The following NXPE2 variants were observed in gnomAD, a reference collection of about 807,000 sequenced individuals.
NXPE2 encodes the protein neurexophilin and PC-esterase domain family member 2, also known as NXPE family member 2.
In NXPE2, 34 loss-of-function variants were observed where a neutral mutation model predicts 34.4. The observed-to-expected ratio is 0.99, with a 90% CI of 0.75 to 1.31. NXPE2 has a LOEUF of 1.31. Among genes scored for constraint, NXPE2 ranks in the 40% most tolerant of loss-of-function variants. The pLI is 0.00. For synonymous variants in NXPE2, 235 were observed against 231.3 expected (o/e 1.02, Z -0.15); for missense variants, 649 against 672.5 (o/e 0.97, Z 0.39).
the NXPE2 span, among the ~76,000 whole-genome samples, chr11:114,577,425 A>G: frequency 6.6e-6 from 1 of 152,036 alleles, no homozygotes; most frequent in Non-Finnish European, 1.5e-5. Context: ...GCGAGGGATA[A>G]AAGACTATAC....
chr11:114,580,433 G>T, the NXPE2 span: 1 of 988,220 alleles, frequency 1.0e-6, no homozygotes, highest in South Asian at 1.4e-5. Flanking sequence ...TCCTAAGAGG[G>T]GGTAAGGTGG....
At chr11:114,638,524 C>G in the NXPE2 span, among the ~76,000 whole-genome samples, 78,744 of 151,828 alleles carry the variant, frequency 0.52, 21,435 homozygotes, top group African/African-American at 0.65. Context: ...GTGTTCCTTT[C>G]GAGGAGGAGA....
chr11:114,648,925 TATG>T, the NXPE2 span, among the ~76,000 whole-genome samples: 12 of 143,948 alleles, frequency 8.3e-5, no homozygotes, highest in African/African-American at 2.3e-4. Flanking sequence ...TCTTATGTTA[TATG>T]ATAAGGGGAT....
At chr11:114,655,271 G>A in the NXPE2 span, among the ~76,000 whole-genome samples, 76,133 of 151,998 alleles carry the variant, frequency 0.5, 20,209 homozygotes, top group East Asian at 0.79. Flanking sequence ...CCATTCTGTA[G>A]GTTGCTTGTT....
the NXPE2 span, among the ~76,000 whole-genome samples, chr11:114,644,389 G>T: frequency 2.6e-5 from 4 of 152,170 alleles, no homozygotes; most frequent in South Asian, 8.3e-4. Flanking sequence ...TTGGCTGTGG[G>T]TTTGTCATAA....
the NXPE2 span, among the ~76,000 whole-genome samples, chr11:114,633,633 G>A: frequency 7.0e-6 from 1 of 142,258 alleles, no homozygotes; most frequent in African/African-American, 2.6e-5. Flanking sequence ...GCCCACAACT[G>A]TCCCCAGAGT....
At chr11:114,465,555 G>C in the NXPE2 span, among the ~76,000 whole-genome samples, 3 of 152,258 alleles carry the variant, frequency 2.0e-5, no homozygotes, top group Non-Finnish European at 2.9e-5. Flanking sequence ...GATTGGAAGA[G>C]GGCTATGCAG....
At chr11:114,532,629 A>G in the NXPE2 span, among the ~76,000 whole-genome samples, 43 of 152,262 alleles carry the variant, frequency 2.8e-4, 1 homozygote, top group East Asian at 7.3e-3. Context: ...TTTTATACTA[A>G]AACTAGGTAA....
the NXPE2 span, among the ~76,000 whole-genome samples, chr11:114,555,177 GTT>G: frequency 6.6e-6 from 1 of 151,852 alleles, no homozygotes; most frequent in South Asian, 2.1e-4. Flanking sequence ...AATTGTTTCA[GTT>G]TTGTTTTTAC....
the NXPE2 span, among the ~76,000 whole-genome samples, chr11:114,783,316 T>G: frequency 6.6e-6 from 1 of 152,236 alleles, no homozygotes; most frequent in Non-Finnish European, 1.5e-5. Flanking sequence ...TTCTACCATC[T>G]GCTTCTCTAC....
At chr11:114,627,984 T>A in the NXPE2 span, among the ~76,000 whole-genome samples, 1 of 151,968 alleles carries the variant, frequency 6.6e-6, no homozygotes, top group African/African-American at 2.4e-5. Context: ...CCTAAATATA[T>A]ATGGACCCAA....
At chr11:114,657,409 G>C in the NXPE2 span, among the ~76,000 whole-genome samples, 1 of 152,020 alleles carries the variant, frequency 6.6e-6, no homozygotes, top group African/African-American at 2.4e-5. Context: ...TTGAATGTAG[G>C]CAATAAAGCT....
the NXPE2 span, among the ~76,000 whole-genome samples, chr11:114,534,336 A>C: frequency 6.6e-6 from 1 of 152,212 alleles, no homozygotes; most frequent in South Asian, 2.1e-4. Context: ...AGATGGGGAA[A>C]AAACAGAGCA....
At chr11:114,498,663 G>A in the NXPE2 span, among the ~76,000 whole-genome samples, 1 of 151,666 alleles carries the variant, frequency 6.6e-6, no homozygotes, top group Non-Finnish European at 1.5e-5. Flanking sequence ...CTATTTTCAG[G>A]CAGCTTTTGT....
At chr11:114,555,956 T>A in the NXPE2 span, among the ~76,000 whole-genome samples, 3 of 152,250 alleles carry the variant, frequency 2.0e-5, no homozygotes, top group South Asian at 6.2e-4. Context: ...TGAATAGAGC[T>A]GCTCTGAATA....
the NXPE2 span, among the ~76,000 whole-genome samples, chr11:114,758,491 G>A: frequency 6.6e-6 from 1 of 152,162 alleles, no homozygotes; most frequent in Admixed American, 6.5e-5. Flanking sequence ...TATGTTGATA[G>A]ACTAGTTTGA....
chr11:114,634,956 T>G, the NXPE2 span, among the ~76,000 whole-genome samples: 1 of 152,056 alleles, frequency 6.6e-6, no homozygotes, highest in Non-Finnish European at 1.5e-5. Context: ...GGCCCTTTTT[T>G]GGTTCCATAT....
At chr11:114,567,814 C>G in the NXPE2 span, among the ~76,000 whole-genome samples, 1 of 151,984 alleles carries the variant, frequency 6.6e-6, no homozygotes, top group African/African-American at 2.4e-5. Flanking sequence ...ATGCTTGCCT[C>G]TTGTTAATAA....
the NXPE2 span, among the ~76,000 whole-genome samples, chr11:114,799,612 G>A: frequency 2.0e-5 from 3 of 152,206 alleles, no homozygotes; most frequent in South Asian, 2.1e-4. Flanking sequence ...GAGACTTGCC[G>A]ATGTGTTCTG....
Sources: allele counts gnomAD v4.1 joint callset (sites outside exome capture counted in the v4.1 genomes callset), GRCh38; gene constraint gnomAD v4.1.1; transcripts MANE v1.5; gene names NCBI Gene and HGNC (gene_info 2026-07-23, HGNC 2026-07-21).